Variants in NFIB observed in about 807,000 individuals in gnomAD.
The protein encoded by NFIB is nuclear factor I B.
In NFIB, 11 loss-of-function variants were observed where a neutral mutation model predicts 61.5. The observed-to-expected ratio is 0.18, with a 90% CI of 0.11 to 0.30. The LOEUF (loss-of-function observed/expected upper bound fraction) is 0.30, where lower values mean the gene tolerates loss of function less well. NFIB is among the 10% of genes least tolerant of loss of function. The pLI is 1.00. For missense variants in NFIB, 471 were observed against 608.9 expected (o/e 0.77, Z 2.38); for synonymous variants, 260 against 216.5 (o/e 1.20, Z -1.76).
chr9:14,249,450 T>A (rs142791310), intron 2 of NFIB, among the ~76,000 whole-genome samples: 264 of 152,332 alleles, frequency 1.7e-3, no homozygotes, highest in African/African-American at 6.2e-3. Context: ...TTTCACCAAA[T>A]GATTCACCAC....
chr9:14,212,228 C>G (rs2050390627), intron 2 of NFIB, among the ~76,000 whole-genome samples: 1 of 152,174 alleles, frequency 6.6e-6, no homozygotes. Context: ...ATACTTATTT[C>G]CAATTGATGA....
the NFIB span, among the ~76,000 whole-genome samples, chr9:14,425,019 G>C: frequency 6.6e-6 from 1 of 152,170 alleles, no homozygotes; most frequent in Admixed American, 6.5e-5. Flanking sequence ...AAGGAGTAGT[G>C]AGTAAATATG....
intron 2 of NFIB, among the ~76,000 whole-genome samples, chr9:14,287,236 C>T (rs1248161391): frequency 6.6e-6 from 1 of 151,928 alleles, no homozygotes; most frequent in Non-Finnish European, 1.5e-5. Context: ...TCGAGACCAT[C>T]CTGGCTAACA....
At chr9:14,358,161 G>C (rs2061197641) in intron 1 of NFIB, among the ~76,000 whole-genome samples, 1 of 150,950 alleles carries the variant, frequency 6.6e-6, no homozygotes, top group South Asian at 2.1e-4. Flanking sequence ...TTAGACATAA[G>C]TTTATTTACA....
At position 14,322,161 on chromosome 9, in the gene NFIB, T is replaced by C. The variant is rs2060676928; in HGVS notation, c.109-14641A>G. 3.3e-6 allele frequency: 4 copies of C among 1,205,728 alleles called. No individual in the cohort carries two copies. In the South Asian group the frequency reaches 1.7e-4, roughly 53 times the overall value. 74.7% of individuals were successfully genotyped at this position (1,205,728 alleles called of 1,614,324 possible). On this transcript the variant is annotated intron_variant, in intron 1 of 8. Coordinates refer to the NFIB transcript ENST00000380934. Reference sequence around the variant, plus strand: ...TGTAATTTCTGCACTGCCACAGTTCTTGGCCCGAGAAGAAAAGGCGGTCAA... The same window carrying C: ...TGTAATTTCTGCACTGCCACAGTTCCTGGCCCGAGAAGAAAAGGCGGTCAA...
At chr9:14,282,993 T>C (rs900779961) in intron 2 of NFIB, among the ~76,000 whole-genome samples, 1 of 152,184 alleles carries the variant, frequency 6.6e-6, no homozygotes, top group Non-Finnish European at 1.5e-5. Context: ...CCCAGGCACA[T>C]AGTAAGTGCT....
chr9:14,305,075 G>A (rs1351770464), intron 2 of NFIB, among the ~76,000 whole-genome samples: 2 of 152,190 alleles, frequency 1.3e-5, no homozygotes, highest in African/African-American at 4.8e-5. Flanking sequence ...GGTCTCTTAA[G>A]AGTTGCTTAA....
the NFIB span, among the ~76,000 whole-genome samples, chr9:14,485,360 CT>C: frequency 9.6e-6 from 1 of 104,150 alleles, no homozygotes; most frequent in Admixed American, 9.4e-5. Context: ...TGATTTTGTC[CT>C]CCAGCAAGAT....
chr9:14,466,665 T>C, the NFIB span, among the ~76,000 whole-genome samples: 92 of 152,298 alleles, frequency 6.0e-4, 1 homozygote, highest in South Asian at 0.017. Context: ...CTTTCTCCTC[T>C]CTTCTTTCTC....
At chr9:14,364,471 C>G (rs1322334172) in intron 1 of NFIB, among the ~76,000 whole-genome samples, 1 of 152,164 alleles carries the variant, frequency 6.6e-6, no homozygotes, top group Non-Finnish European at 1.5e-5. Context: ...AACAATTTGT[C>G]TCTGAATGTA....
intron 3 of NFIB, among the ~76,000 whole-genome samples, chr9:14,170,079 T>C (rs1301119283): frequency 2.0e-5 from 3 of 152,172 alleles, no homozygotes; most frequent in African/African-American, 7.2e-5. Flanking sequence ...TTTTTAAACA[T>C]TATGCTTAAA....
chr9:14,496,700 T>C, the NFIB span, among the ~76,000 whole-genome samples: 1 of 152,056 alleles, frequency 6.6e-6, no homozygotes, highest in Admixed American at 6.6e-5. Flanking sequence ...CATTTGCTGC[T>C]CCCCAGCAAA....
intron 10 of NFIB, chr9:14,102,358 C>T (rs2118846727): frequency 7.3e-7 from 1 of 1,378,818 alleles, no homozygotes; most frequent in Admixed American, 2.2e-5. Flanking sequence ...TAGTTAAAAA[C>T]AAACACTATA....
intron 2 of NFIB, among the ~76,000 whole-genome samples, chr9:14,288,506 T>C (rs895092265): frequency 6.6e-6 from 1 of 152,110 alleles, no homozygotes. Flanking sequence ...CAAATGCAGT[T>C]AATTTATGTG....
At chr9:14,169,549 G>T (rs2131345729) in intron 3 of NFIB, among the ~76,000 whole-genome samples, 1 of 152,220 alleles carries the variant, frequency 6.6e-6, no homozygotes, top group African/African-American at 2.4e-5. Context: ...AGCTGGGTGT[G>T]GTGGTTCACG....
intron 2 of NFIB, among the ~76,000 whole-genome samples, chr9:14,220,534 C>T (rs978724376): frequency 8.5e-5 from 13 of 152,156 alleles, no homozygotes; most frequent in Non-Finnish European, 1.3e-4. Context: ...CCAGGAGCCC[C>T]GCCTGGGAGC....
intron 2 of NFIB, among the ~76,000 whole-genome samples, chr9:14,192,696 C>A (rs2048076868): frequency 1.3e-5 from 2 of 152,130 alleles, no homozygotes; most frequent in African/African-American, 4.8e-5. Context: ...ACAAGTTCCT[C>A]CCTCTGTGAT....
intron 1 of NFIB, among the ~76,000 whole-genome samples, chr9:14,349,889 A>T (rs1457365312): frequency 1.3e-5 from 2 of 152,098 alleles, no homozygotes; most frequent in South Asian, 2.1e-4. Flanking sequence ...TCCTGTCAAT[A>T]TTGGCTCTTA....
intron 7 of NFIB, among the ~76,000 whole-genome samples, chr9:14,124,095 A>T (rs2039323442): frequency 6.6e-6 from 1 of 152,304 alleles, no homozygotes; most frequent in East Asian, 1.9e-4. Flanking sequence ...TCTGAACAAG[A>T]TGCCTAACAC....
Sources: gnomAD v4.1 joint callset for allele counts (sites outside exome capture counted in the v4.1 genomes callset) on GRCh38, gnomAD v4.1.1 for gene constraint, MANE v1.5 for transcripts, NCBI Gene and HGNC (gene_info 2026-07-23, HGNC 2026-07-21) for gene names.